The following ANKRD17 variants were observed in gnomAD, a reference collection of about 807,000 sequenced individuals.
ANKRD17 encodes the protein ankyrin repeat domain-containing protein 17.
A neutral mutation model predicts 229.7 loss-of-function variants in ANKRD17; 19 were observed. The observed-to-expected ratio is 0.08, with a 90% CI of 0.06 to 0.12. The LOEUF (loss-of-function observed/expected upper bound fraction) is 0.12. Ranked by LOEUF, ANKRD17 falls within the 10% of genes least tolerant of loss-of-function variation. The pLI, the probability that ANKRD17 is intolerant of heterozygous loss-of-function variation, is 1.00. For synonymous variants in ANKRD17, 1,112 were observed against 1,146.1 expected, an observed-to-expected ratio of 0.97 and a Z score of 0.60; for missense variants, 2,176 against 3,176.8, an observed-to-expected ratio of 0.68 and a Z score of 7.57.
chr4:73,156,318 A>G, intron 3 of ANKRD17, 152 bp from the exon 4 acceptor site: 1 of 913,492 alleles, frequency 1.1e-6, no homozygotes, highest in Non-Finnish European at 1.6e-6. Flanking sequence ...CAATCAGCTC[A>G]CTGCAGCCTT....
At chr4:73,162,873 G>T (rs1174681982) in intron 2 of ANKRD17, among the ~76,000 whole-genome samples, 1 of 151,646 alleles carries the variant, frequency 6.6e-6, no homozygotes, top group Non-Finnish European at 1.5e-5. Context: ...TTTTGTTTTT[G>T]TTTTAAGATA....
intron 11 of ANKRD17, 93 bp from the exon 12 acceptor site, chr4:73,142,860 G>A (rs1729782236): frequency 7.3e-7 from 1 of 1,368,812 alleles, no homozygotes; most frequent in African/African-American, 1.5e-5. Flanking sequence ...AGAGAAAATA[G>A]TATTATGAGG....
Position 73,156,064 on chromosome 4 carries a change from G to A in ANKRD17, c.807C>T (p.Ser269=), listed in dbSNP as rs761209641. The A allele has an allele frequency of 1.1e-5, 18 of 1,612,506 alleles. No individual in the cohort carries two copies. Among genetic ancestry groups the A allele is most frequent in the Non-Finnish European group, 1.4e-5 (17 of 1,179,686 alleles). The part of the protein sequence containing the change: ...SVNEHTEEGE[S]LLCLACSAGY... ...CAGCAGAACAAGCTAAACAAAGGAG[G>A]CTCTCCCCTTCCTCTGTGTGTTCAT... The change falls in exon 4 of 34, where the codon AGC becomes AGT. Residue 269 remains serine, a synonymous_variant. Transcript: ENST00000358602.
At position 73,102,462 on chromosome 4, in the gene ANKRD17, C is replaced by T; in HGVS notation, c.4487G>A (p.Arg1496Lys). The stretch of plus-strand genomic sequence containing the variant: ...GGCTTCAATTTCTTCTAGTTTCCTT[C>T]TTTGTTCTTCCTTTTTCTTCCTTCT... ...EKRRKKKEEQ[R>K]RKLEEIEAKN... Residue 1496 changes from arginine to lysine, a missense_variant, in exon 25 of 34, where the codon AGA (arginine) becomes AAA (lysine). Physicochemically the swap from Arg to Lys is conservative, Grantham distance 26. Coordinates refer to ENST00000358602, the MANE Select transcript of ANKRD17 (RefSeq NM_032217.5). 6.2e-7 allele frequency: 1 copy of T among 1,608,072 alleles called. No homozygotes were observed. Among genetic ancestry groups the T allele is most frequent in the South Asian group, 1.1e-5 (1 of 88,786 alleles).
intron 1 of ANKRD17, among the ~76,000 whole-genome samples, chr4:73,187,093 A>T (rs1483792129): frequency 6.6e-6 from 1 of 152,168 alleles, no homozygotes; most frequent in Non-Finnish European, 1.5e-5. Flanking sequence ...TAGGGGTCAG[A>T]CTGACATCAG....
chr4:73,256,754 G>A (rs1005160714), intron 1 of ANKRD17, among the ~76,000 whole-genome samples: 4 of 152,118 alleles, frequency 2.6e-5, no homozygotes, highest in Admixed American at 6.5e-5. Context: ...TTCAAATGCC[G>A]CCAGAGCAAC....
intron 7 of ANKRD17, among the ~76,000 whole-genome samples, chr4:73,149,554 A>G (rs1186429680): frequency 6.6e-6 from 1 of 152,164 alleles, no homozygotes; most frequent in Non-Finnish European, 1.5e-5. Flanking sequence ...TATATTGTTC[A>G]TCGTCCAAGT....
At chr4:73,210,413 G>A (rs1397850618) in intron 1 of ANKRD17, among the ~76,000 whole-genome samples, 2 of 152,124 alleles carry the variant, frequency 1.3e-5, no homozygotes, top group African/African-American at 2.4e-5. Context: ...CTATACAACA[G>A]TGCTGAGAGA....
chr4:73,195,900 T>C (rs1417505117), intron 1 of ANKRD17, among the ~76,000 whole-genome samples: 1 of 152,178 alleles, frequency 6.6e-6, no homozygotes, highest in Non-Finnish European at 1.5e-5. Flanking sequence ...GGAGGCAACA[T>C]TACATTTTTT....
Position 73,243,937 on chromosome 4 carries a change from T to A in ANKRD17, c.393+14339A>T, listed in dbSNP as rs535619179. On this transcript the variant is annotated intron_variant, in intron 1 of 33. Transcript: ENST00000358602. ...CCATAACAAAATACCATAGACTGGGTAGTTTAAACAACAGATATTTATTTT... is the reference window on the plus strand; with the variant it reads ...CCATAACAAAATACCATAGACTGGGAAGTTTAAACAACAGATATTTATTTT... 2.6e-5 allele frequency among the ~76,000 whole-genome samples: 4 copies of A among 152,290 alleles called. No homozygotes were observed. In the South Asian group the frequency reaches 8.3e-4, roughly 32 times the overall value.
intron 24 of ANKRD17, among the ~76,000 whole-genome samples, chr4:73,106,302 A>G (rs1290073001): frequency 6.6e-6 from 1 of 152,184 alleles, no homozygotes; most frequent in African/African-American, 2.4e-5. Flanking sequence ...CACTAACCCA[A>G]CTGATGATTT....
chr4:73,107,212 G>T (rs1414883988), intron 24 of ANKRD17, among the ~76,000 whole-genome samples: 1 of 152,218 alleles, frequency 6.6e-6, no homozygotes, highest in Non-Finnish European at 1.5e-5. Context: ...TCATTTACTG[G>T]ATGTAAAGAA....
intron 18 of ANKRD17, among the ~76,000 whole-genome samples, chr4:73,124,235 A>G (rs1043739756): frequency 6.7e-6 from 1 of 150,366 alleles, no homozygotes; most frequent in African/African-American, 2.4e-5. Context: ...AGAGAAGGGA[A>G]TCTATGGAGA....
chr4:73,077,711 A>C (rs1721135336), intron 31 of ANKRD17, among the ~76,000 whole-genome samples, 178 bp from the exon 32 acceptor site: 1 of 151,956 alleles, frequency 6.6e-6, no homozygotes, highest in African/African-American at 2.4e-5. Flanking sequence ...TAGCTTAATG[A>C]AATAATCTAA....
chr4:73,152,587 C>A (rs573526634), intron 6 of ANKRD17, among the ~76,000 whole-genome samples: 2 of 152,252 alleles, frequency 1.3e-5, no homozygotes, highest in East Asian at 3.9e-4. Flanking sequence ...CAAGCCCCAA[C>A]CTCAGATCCC....
chr4:73,245,535 T>A (rs2149269935), intron 1 of ANKRD17, among the ~76,000 whole-genome samples: 1 of 152,312 alleles, frequency 6.6e-6, no homozygotes, highest in Non-Finnish European at 1.5e-5. Context: ...AGCCCATGGA[T>A]TCCACCTTGC....
chr4:73,142,265 G>T lies in ANKRD17; in HGVS notation c.2206C>A (p.Pro736Thr). The stretch of plus-strand genomic sequence containing the variant: ...ACCCTATTTAAATCGTGGGATGGGG[G>T]AGTTAACTGAGTGACATCTGGTGGA... ...APPPDVTQLT[P>T]PSHDLNRAPR... The change falls in exon 13 of 34, where the codon CCC becomes ACC. Residue 736 changes from proline (P) to threonine (T), a missense_variant. Pro to Thr is a conservative substitution (Grantham distance 38). Transcript: ENST00000358602. 6.4e-7 allele frequency: 1 copy of T among 1,553,302 alleles called. No homozygotes were observed. Among genetic ancestry groups the T allele is most frequent in the Non-Finnish European group, 8.6e-7 (1 of 1,162,156 alleles).
intron 24 of ANKRD17, among the ~76,000 whole-genome samples, chr4:73,108,086 C>T (rs1213605571): frequency 2.6e-5 from 4 of 152,126 alleles, no homozygotes; most frequent in East Asian, 3.8e-4. Flanking sequence ...GCAGTGACCT[C>T]CCCAGGCTCA....
At chr4:73,169,409 C>T (rs1016610107) in intron 2 of ANKRD17, among the ~76,000 whole-genome samples, 2 of 151,950 alleles carry the variant, frequency 1.3e-5, no homozygotes, top group African/African-American at 4.8e-5. Flanking sequence ...TGACCTCAGT[C>T]CCTGGCTCCC....
Sources: gnomAD v4.1 joint callset for allele counts (sites outside exome capture counted in the v4.1 genomes callset) on GRCh38, gnomAD v4.1.1 for gene constraint, MANE v1.5 for transcripts, NCBI Gene and HGNC (gene_info 2026-07-23, HGNC 2026-07-21) for gene names.